FRMD3: variants seen among roughly 807,000 people sequenced by gnomAD.
FRMD3 encodes the protein FERM domain-containing protein 3.
In FRMD3, 33 loss-of-function variants were observed where a neutral mutation model predicts 70.2. The ratio of observed to expected loss-of-function variants is 0.47; its 90% CI spans 0.36 to 0.63. The LOEUF (loss-of-function observed/expected upper bound fraction) is 0.63. FRMD3 is among the 20% of genes least tolerant of loss of function. The pLI is 0.00. For missense variants in FRMD3, 632 were observed against 711.4 expected, an observed-to-expected ratio of 0.89 and a Z score of 1.27; for synonymous variants, 279 against 255.9, an observed-to-expected ratio of 1.09 and a Z score of -0.86.
chr9:83,564,246 T>G, the FRMD3 span, among the ~76,000 whole-genome samples: 1 of 152,068 alleles, frequency 6.6e-6, no homozygotes, highest in East Asian at 1.9e-4. Flanking sequence ...ATAATAATAA[T>G]AATCCCCACT....
At chr9:83,441,817 T>C (rs1357891192) in intron 1 of FRMD3, among the ~76,000 whole-genome samples, 5 of 152,174 alleles carry the variant, frequency 3.3e-5, no homozygotes, top group African/African-American at 1.2e-4. Context: ...GTATGTTTTC[T>C]TCCTGCCTTT....
intron 1 of FRMD3, among the ~76,000 whole-genome samples, chr9:83,392,772 T>C (rs1019760868): frequency 6.6e-6 from 1 of 152,194 alleles, no homozygotes; most frequent in African/African-American, 2.4e-5. Context: ...TGTAGTGGAA[T>C]TGGCCAACTT....
intron 1 of FRMD3, among the ~76,000 whole-genome samples, chr9:83,492,376 T>G (rs950827985): frequency 2.6e-5 from 4 of 152,144 alleles, no homozygotes; most frequent in African/African-American, 9.7e-5. Flanking sequence ...AAACTCGTCT[T>G]ATTGGGCTAA....
intron 1 of FRMD3, among the ~76,000 whole-genome samples, chr9:83,473,178 G>A (rs1828311522): frequency 6.6e-6 from 1 of 152,008 alleles, no homozygotes; most frequent in African/African-American, 2.4e-5. Flanking sequence ...TCTCCCACAG[G>A]ACTCCAGCCC....
intron 2 of FRMD3, among the ~76,000 whole-genome samples, chr9:83,386,970 G>A (rs1352664038): frequency 6.6e-6 from 1 of 152,186 alleles, no homozygotes; most frequent in East Asian, 1.9e-4. Flanking sequence ...GTATCAGGAG[G>A]TACCTGATGT....
the FRMD3 span, among the ~76,000 whole-genome samples, chr9:83,566,329 G>A: frequency 6.6e-6 from 1 of 152,144 alleles, no homozygotes; most frequent in African/African-American, 2.4e-5. Flanking sequence ...CTTCTCCTGG[G>A]TCCCTCCCAC....
rs561484577 is a variant in FRMD3 at position 83,274,010 on chromosome 9, G to A, written c.1195+16593C>T. On this transcript the variant is annotated intron_variant, in intron 13 of 13. Coordinates refer to ENST00000304195, the MANE Select transcript of FRMD3 (RefSeq NM_174938.6). ...TTTTTTTACATTTTTTTATAGAGAC[G>A]GCATCTCACTAGGTTTCTCAGGCTG... is the stretch of plus-strand genomic sequence containing the variant. Among the ~76,000 whole-genome samples, 4 of 152,014 alleles carry A rather than the reference G, an allele frequency of 2.6e-5. No homozygotes were observed. In the South Asian group the frequency reaches 8.3e-4, roughly 32 times the overall value.
intron 1 of FRMD3, among the ~76,000 whole-genome samples, chr9:83,507,898 A>G (rs2131525534): frequency 6.6e-6 from 1 of 151,422 alleles, no homozygotes. Flanking sequence ...ATAGTCATTT[A>G]TTATCATTAT....
chr9:83,261,851 C>T (rs900520390), intron 13 of FRMD3, among the ~76,000 whole-genome samples: 1 of 152,190 alleles, frequency 6.6e-6, no homozygotes, highest in South Asian at 2.1e-4. Flanking sequence ...CTAATTGCCA[C>T]CGACAGTTTC....
At chr9:83,529,023 T>C (rs1423774358) in intron 1 of FRMD3, among the ~76,000 whole-genome samples, 1 of 152,252 alleles carries the variant, frequency 6.6e-6, no homozygotes, top group African/African-American at 2.4e-5. Flanking sequence ...AATAAAGTAG[T>C]GATAAAAGCA....
intron 1 of FRMD3, among the ~76,000 whole-genome samples, chr9:83,428,149 G>A (rs1371833185): frequency 6.6e-6 from 1 of 152,176 alleles, no homozygotes; most frequent in Non-Finnish European, 1.5e-5. Context: ...GGCCAAGGCA[G>A]GTGGATCACC....
Position 83,357,238 on chromosome 9 carries a change from A to AAT in FRMD3, c.296-7483_296-7482dup, listed in dbSNP as rs1554692086. ...GAATATATATATTTTATATATATAT[A>AAT]ATACATACATATATATATATATATA... On this transcript the variant is annotated intron_variant, in intron 3 of 13. Transcript: ENST00000304195. Among the ~76,000 whole-genome samples, 12 of 4,000 alleles carry AAT rather than the reference A, an allele frequency of 3.0e-3. 1 individual carries two copies. Among genetic ancestry groups the AAT allele is most frequent in the East Asian group, 0.01 (1 of 96 alleles). The allele number at this position is 4,000 out of a possible 152,430, so 2.6% of individuals were successfully genotyped here.
chr9:83,438,624 T>C (rs1827208199), intron 1 of FRMD3, among the ~76,000 whole-genome samples: 1 of 152,142 alleles, frequency 6.6e-6, no homozygotes, highest in South Asian at 2.1e-4. Flanking sequence ...GTTCTCGAAC[T>C]CCTAACCTCA....
intron 1 of FRMD3, among the ~76,000 whole-genome samples, chr9:83,532,483 T>TA: frequency 6.6e-6 from 1 of 152,268 alleles, no homozygotes; most frequent in South Asian, 2.1e-4. Context: ...AAAGATTGCC[T>TA]AAAAAAAGCC....
At chr9:83,267,895 T>A (rs1279649781) in intron 13 of FRMD3, among the ~76,000 whole-genome samples, 1 of 152,204 alleles carries the variant, frequency 6.6e-6, no homozygotes, top group Non-Finnish European at 1.5e-5. Context: ...TAATCTCAGC[T>A]CTTTTCAAAG....
chr9:83,413,885 C>A (rs545157496), intron 1 of FRMD3, among the ~76,000 whole-genome samples: 4 of 152,116 alleles, frequency 2.6e-5, no homozygotes, highest in African/African-American at 9.7e-5. Context: ...TGTAGCCAGG[C>A]ATTGTCTATT....
At chr9:83,355,281 T>A (rs1344252814) in intron 3 of FRMD3, among the ~76,000 whole-genome samples, 1 of 152,200 alleles carries the variant, frequency 6.6e-6, no homozygotes, top group Admixed American at 6.5e-5. Flanking sequence ...ACAGGAAATG[T>A]CTGATGAAGG....
intron 1 of FRMD3, among the ~76,000 whole-genome samples, chr9:83,503,970 T>C (rs1207276370): frequency 6.6e-6 from 1 of 152,210 alleles, no homozygotes; most frequent in Non-Finnish European, 1.5e-5. Flanking sequence ...AGCTGCTCTG[T>C]AGCTGGTGAC....
rs567456306 is a variant in FRMD3 at position 83,359,169 on chromosome 9, G to A, written c.296-9412C>T. Among the ~76,000 whole-genome samples the A allele has an allele frequency of 5.3e-5, 8 of 152,124 alleles. No homozygotes were observed. The South Asian group carries it at 6.2e-4, about 12-fold the overall frequency. The stretch of plus-strand genomic sequence containing the variant: ...ATCATGTTTAATTCATCTTCCTCTC[G>A]TTACAGTTCCCTCCTATGCTTTTAT... On this transcript the variant is annotated intron_variant, in intron 3 of 13. Coordinates refer to ENST00000304195, the MANE Select transcript of FRMD3 (RefSeq NM_174938.6).
Sources: allele counts gnomAD v4.1 joint callset (sites outside exome capture counted in the v4.1 genomes callset), GRCh38; gene constraint gnomAD v4.1.1; transcripts MANE v1.5; gene names NCBI Gene and HGNC (gene_info 2026-07-23, HGNC 2026-07-21).